FAM131B: variants seen among roughly 807,000 people sequenced by gnomAD.
The protein encoded by FAM131B is protein FAM131B.
A neutral mutation model predicts 42.0 loss-of-function variants in FAM131B; 19 were observed. The ratio of observed to expected loss-of-function variants is 0.45; its 90% CI spans 0.32 to 0.66. The LOEUF is 0.66. Ranked by LOEUF, FAM131B falls within the 30% of genes least tolerant of loss-of-function variation. The pLI is 0.05. For missense variants in FAM131B, 370 were observed against 468.4 expected, an observed-to-expected ratio of 0.79 and a Z score of 1.94; for synonymous variants, 183 against 177.6, an observed-to-expected ratio of 1.03 and a Z score of -0.24.
At chr7:143,374,162 T>C in the FAM131B span, among the ~76,000 whole-genome samples, 1 of 152,270 alleles carries the variant, frequency 6.6e-6, no homozygotes, top group East Asian at 1.9e-4. Flanking sequence ...TCAGTATAAT[T>C]TTCTTTTCTC....
In FAM131B at chr7:143,356,009, C is replaced by T; in HGVS notation, c.*541G>A. 1 of 158,350 alleles carries T rather than the reference C, an allele frequency of 6.3e-6. No homozygotes were observed. Among genetic ancestry groups the T allele is most frequent in the Non-Finnish European group, 1.4e-5 (1 of 71,646 alleles). 9.8% of individuals were successfully genotyped at this position (158,350 alleles called of 1,614,324 possible). A position where few individuals can be genotyped will look rare whatever the true frequency, so the allele number is the denominator to read the frequency against. ...CCTCTCCACCCTCCCCATGGACGTG[C>T]CCTTCAGGCAGCCTCCCCTGCGCCT... On this transcript the variant is annotated 3_prime_UTR_variant, in exon 7 of 7. Transcript: ENST00000443739. The surrounding 1 kb of genome is among the most constrained non-coding windows in gnomAD (Gnocchi z 4.4).
At chr7:143,370,910 T>C in the FAM131B span, among the ~76,000 whole-genome samples, 3 of 152,180 alleles carry the variant, frequency 2.0e-5, no homozygotes, top group African/African-American at 7.2e-5. Context: ...GTAACACCCT[T>C]AGCCTCCATG....
upstream of FAM131B, among the ~76,000 whole-genome samples, chr7:143,363,027 C>T (rs1235113757): frequency 1.3e-5 from 2 of 152,074 alleles, no homozygotes; most frequent in Non-Finnish European, 2.9e-5. Flanking sequence ...AACCCAGGGC[C>T]TACCCCGAGG....
the FAM131B span, chr7:143,379,581 T>TGGC: frequency 6.6e-6 from 1 of 152,294 alleles, no homozygotes; most frequent in Non-Finnish European, 1.5e-5. Flanking sequence ...GAGATCTGCC[T>TGGC]GGCAACCCAG....
the FAM131B span, among the ~76,000 whole-genome samples, chr7:143,375,989 C>A: frequency 3.9e-5 from 6 of 152,208 alleles, no homozygotes; most frequent in African/African-American, 1.4e-4. Context: ...CTGCCCCTTC[C>A]ACCCACCACA....
At chr7:143,376,570 C>T in the FAM131B span, among the ~76,000 whole-genome samples, 8 of 152,202 alleles carry the variant, frequency 5.3e-5, no homozygotes, top group Non-Finnish European at 4.4e-5. Flanking sequence ...GGGCAGGAGG[C>T]TGCTCAACCT....
In FAM131B at chr7:143,354,080, C is replaced by G. The variant is rs1803550474; in HGVS notation, c.*2470G>C. 6.6e-6 allele frequency: 1 copy of G among 151,332 alleles called. No homozygotes were observed. Among genetic ancestry groups the G allele is most frequent in the African/African-American group, 2.4e-5 (1 of 40,890 alleles). 9.4% of individuals were successfully genotyped at this position (151,332 alleles called of 1,614,324 possible). A position where few individuals can be genotyped will look rare whatever the true frequency, so the allele number is the denominator to read the frequency against. On this transcript the variant is annotated 3_prime_UTR_variant, in exon 7 of 7. Transcript: ENST00000443739. Reference sequence around the variant, plus strand: ...ATAAGCAACCCCCATGCACCCTGCCCCCAGCACCAGAAGAGTCCTAAGATG... The same window carrying G: ...ATAAGCAACCCCCATGCACCCTGCCGCCAGCACCAGAAGAGTCCTAAGATG...
At chr7:143,378,694 A>G in the FAM131B span, among the ~76,000 whole-genome samples, 2 of 150,260 alleles carry the variant, frequency 1.3e-5, no homozygotes, top group Admixed American at 6.7e-5. Flanking sequence ...CTCCTGCTTC[A>G]GCCTCCCCAG....
chr7:143,359,502 A>G lies in FAM131B; in HGVS notation c.175-83T>C. The G allele has an allele frequency of 8.7e-7, 1 of 1,154,040 alleles. No individual in the cohort carries two copies. Among genetic ancestry groups the G allele is most frequent in the Non-Finnish European group, 1.3e-6 (1 of 775,124 alleles). The allele number at this position is 1,154,040 out of a possible 1,614,324, so 71.5% of individuals were successfully genotyped here. On this transcript the variant is annotated intron_variant, in intron 3 of 6. Transcript: ENST00000443739. The surrounding 1 kb of genome is among the most constrained non-coding windows in gnomAD (Gnocchi z 5.4). Reference sequence around the variant, plus strand: ...TACATGGAGGAGGTTCATGGTTTCCAGGAAAAAGCATTCGAGCTAGGGCAG... The same window carrying G: ...TACATGGAGGAGGTTCATGGTTTCCGGGAAAAAGCATTCGAGCTAGGGCAG...
the FAM131B span, among the ~76,000 whole-genome samples, chr7:143,374,678 T>C: frequency 6.6e-6 from 1 of 152,230 alleles, no homozygotes; most frequent in Non-Finnish European, 1.5e-5. Context: ...GTACCTCCAG[T>C]GAGGAATCTC....
chr7:143,366,820 A>G (rs1804192371), upstream of FAM131B, among the ~76,000 whole-genome samples: 1 of 152,186 alleles, frequency 6.6e-6, no homozygotes, highest in Non-Finnish European at 1.5e-5. Context: ...GGCCTCCCAA[A>G]GTACTGGGAT....
At position 143,358,718 on chromosome 7, in the gene FAM131B, C is replaced by G; in HGVS notation, c.466+109G>C. 1.3e-6 allele frequency: 1 copy of G among 793,118 alleles called. No homozygotes were observed. Among genetic ancestry groups the G allele is most frequent in the African/African-American group, 1.7e-5 (1 of 58,946 alleles). 49.1% of individuals were successfully genotyped at this position (793,118 alleles called of 1,614,324 possible). On this transcript the variant is annotated intron_variant, in intron 5 of 6. Coordinates refer to ENST00000443739, the MANE Select transcript of FAM131B (RefSeq NM_001031690.3). The surrounding 1 kb of genome is among the most constrained non-coding windows in gnomAD (Gnocchi z 4.7). ...TTAGAGCTGTTTGGGAAATGTGAAT[C>G]TACGGTCAAAGTATGGATGGAGCTA...
the FAM131B span, chr7:143,381,356 G>T: frequency 8.7e-7 from 1 of 1,153,012 alleles, no homozygotes. Context: ...CAGAGTCTGC[G>T]GACCCGGCGC....
At chr7:143,370,142 G>T in the FAM131B span, among the ~76,000 whole-genome samples, 5 of 152,210 alleles carry the variant, frequency 3.3e-5, no homozygotes, top group African/African-American at 1.2e-4. Flanking sequence ...TGTGTTGGGG[G>T]CAGGGCCAAG....
the FAM131B span, chr7:143,381,268 C>G: frequency 3.8e-6 from 4 of 1,053,674 alleles, no homozygotes; most frequent in South Asian, 4.5e-5. Context: ...CGCTCTCTCC[C>G]CGCCCCCTCT....
chr7:143,359,022 T>A lies in FAM131B; in HGVS notation c.271A>T (p.Ile91Phe). ...ACATGGTCCTTCATGCTCCGTGAGA[T>A]CCCTATGGGGCCAGACATTTCCCAC... is the stretch of plus-strand genomic sequence containing the variant. ...GALAKSSFSG[I>F]SRSMKDHVTK... The change falls in exon 5 of 7, where the codon ATC becomes TTC. Residue 91 changes from isoleucine (I) to phenylalanine (F), a missense_variant and splice_region_variant. Transcript: ENST00000443739. The surrounding 1 kb of genome is among the most constrained non-coding windows in gnomAD (Gnocchi z 5.4). The A allele has an allele frequency of 1.9e-6, 3 of 1,613,478 alleles. No homozygotes were observed. Among genetic ancestry groups the A allele is most frequent in the Non-Finnish European group, 2.5e-6 (3 of 1,179,930 alleles).
chr7:143,356,169 C>T lies in FAM131B; in HGVS notation c.*381G>A, dbSNP rs1190114242. 1 of 225,676 alleles carries T rather than the reference C, an allele frequency of 4.4e-6. No homozygotes were observed. Among genetic ancestry groups the T allele is most frequent in the Non-Finnish European group, 8.8e-6 (1 of 113,770 alleles). 14.0% of individuals were successfully genotyped at this position (225,676 alleles called of 1,614,324 possible). A position where few individuals can be genotyped will look rare whatever the true frequency, so the allele number is the denominator to read the frequency against. ...AGGCATTCAGACAGCAGAGTTACAG[C>T]TCCTGGAAGACGAAATCGGGGCGTG... is the stretch of plus-strand genomic sequence containing the variant. On this transcript the variant is annotated 3_prime_UTR_variant, in exon 7 of 7. Transcript: ENST00000443739. This position sits in a 1 kb window ranked among gnomAD's most constrained non-coding sequence, Gnocchi z 4.4.
At chr7:143,360,869 G>A (rs1428947208) in intron 1 of FAM131B, 1 of 152,590 alleles carries the variant, frequency 6.6e-6, no homozygotes, top group East Asian at 1.9e-4. Flanking sequence ...TCTGAGGGCT[G>A]AGTGGGAAAC....
chr7:143,365,019 G>C (rs1804148099), upstream of FAM131B, among the ~76,000 whole-genome samples: 1 of 152,202 alleles, frequency 6.6e-6, no homozygotes. Context: ...CCCACAAATG[G>C]AGAGATGGCT....
Sources: allele counts gnomAD v4.1 joint callset (sites outside exome capture counted in the v4.1 genomes callset), GRCh38; gene constraint gnomAD v4.1.1; non-coding constraint Gnocchi (gnomAD v3.1); transcripts MANE v1.5; gene names NCBI Gene and HGNC (gene_info 2026-07-23, HGNC 2026-07-21).